PDZRN3: variants seen among roughly 807,000 people sequenced by gnomAD.
PDZRN3 encodes the protein E3 ubiquitin-protein ligase PDZRN3.
PDZRN3 carries 38 observed loss-of-function variants against 85.7 expected under a neutral mutation model. The ratio of observed to expected loss-of-function variants is 0.44; its 90% CI spans 0.34 to 0.58. The LOEUF (loss-of-function observed/expected upper bound fraction) is 0.58, where lower values mean the gene tolerates loss of function less well. Ranked by LOEUF, PDZRN3 falls within the 20% of genes least tolerant of loss-of-function variation. The pLI is 0.01. For synonymous variants in PDZRN3, 759 were observed against 638.0 expected (o/e 1.19, Z -2.86); for missense variants, 1,629 against 1,506.4 (o/e 1.08, Z -1.35).
At chr3:73,557,440 T>C (rs1488962351) in intron 3 of PDZRN3, among the ~76,000 whole-genome samples, 8 of 152,248 alleles carry the variant, frequency 5.3e-5, no homozygotes, top group Non-Finnish European at 1.0e-4. Flanking sequence ...TCTTATGATA[T>C]GAATTTTTCA....
chr3:73,533,151 T>A (rs1276556106), intron 3 of PDZRN3, among the ~76,000 whole-genome samples: 2 of 152,226 alleles, frequency 1.3e-5, no homozygotes, highest in African/African-American at 2.4e-5. Flanking sequence ...AAATGAAGCA[T>A]TTTACAAAAG....
intron 3 of PDZRN3, among the ~76,000 whole-genome samples, chr3:73,452,827 C>T (rs188274272): frequency 2.9e-4 from 22 of 75,594 alleles, no homozygotes; most frequent in Admixed American, 1.4e-3. Context: ...AATTCTCTAA[C>T]GGTCCATATA....
intron 3 of PDZRN3, among the ~76,000 whole-genome samples, chr3:73,584,725 T>C (rs1047671199): frequency 1.3e-5 from 2 of 152,188 alleles, no homozygotes; most frequent in East Asian, 3.8e-4. Flanking sequence ...TTGCATTCTA[T>C]AGTTAATATG....
At chr3:73,593,421 A>G (rs1201339150) in intron 3 of PDZRN3, among the ~76,000 whole-genome samples, 1 of 152,148 alleles carries the variant, frequency 6.6e-6, no homozygotes, top group Admixed American at 6.6e-5. Context: ...AGAACTCCCA[A>G]AAAAGTACAT....
chr3:73,589,058 T>C (rs890194769), intron 3 of PDZRN3, among the ~76,000 whole-genome samples: 13 of 152,058 alleles, frequency 8.5e-5, no homozygotes, highest in African/African-American at 2.9e-4. Flanking sequence ...GATTTTTTTT[T>C]TTTTTTTGAG....
At chr3:73,429,059 T>A (rs182356190) in intron 3 of PDZRN3, among the ~76,000 whole-genome samples, 123 of 152,236 alleles carry the variant, frequency 8.1e-4, no homozygotes, top group African/African-American at 2.9e-3. Context: ...CCATCATGCC[T>A]GGCTAAGTTA....
At chr3:73,385,030 A>ACATTT in intron 9 of PDZRN3, 100 bp from the exon 10 acceptor site, 1 of 1,401,342 alleles carries the variant, frequency 7.1e-7, no homozygotes, top group Non-Finnish European at 9.6e-7. Flanking sequence ...GGCAGGCTGT[A>ACATTT]CATTTCTAAG....
intron 3 of PDZRN3, among the ~76,000 whole-genome samples, chr3:73,595,711 G>C (rs1430276023): frequency 6.6e-6 from 1 of 152,066 alleles, no homozygotes; most frequent in African/African-American, 2.4e-5. Context: ...AAAAGCACGT[G>C]GATCAGTATT....
chr3:73,524,113 T>C (rs1352243196), intron 3 of PDZRN3, among the ~76,000 whole-genome samples: 1 of 152,184 alleles, frequency 6.6e-6, no homozygotes, highest in Non-Finnish European at 1.5e-5. Flanking sequence ...TTGGGAAACA[T>C]TTGGACTAAC....
At chr3:73,570,415 C>A (rs977927423) in intron 3 of PDZRN3, among the ~76,000 whole-genome samples, 4 of 152,196 alleles carry the variant, frequency 2.6e-5, no homozygotes, top group African/African-American at 9.6e-5. Context: ...GTAAAGGCTG[C>A]GTATGAATAC....
intron 3 of PDZRN3, among the ~76,000 whole-genome samples, chr3:73,547,281 T>C (rs1426018981): frequency 1.3e-5 from 2 of 152,256 alleles, no homozygotes; most frequent in East Asian, 3.8e-4. Flanking sequence ...GATAGTTGTT[T>C]TCTTTAAAGC....
rs1239535000 is a variant in PDZRN3, at chr3:73,602,429, G to C, written c.843C>G (p.Ile281Met). 1 of 1,607,870 alleles carries C rather than the reference G, an allele frequency of 6.2e-7. No homozygotes were observed. The highest frequency in any genetic ancestry group is 1.7e-5 in the Admixed American group (1 of 59,874). Residue 281 changes from isoleucine (I) to methionine (M), a missense_variant, in exon 3 of 10, where the codon ATC becomes ATG. Physicochemically the swap from Ile to Met is conservative, Grantham distance 10 (BLOSUM62 1). Transcript: ENST00000263666. ...CACTGTCAACTATCTTGGATACAAA[G>C]ATTCCTTCACTGGATGATCCATCGT... is the stretch of plus-strand genomic sequence containing the variant. ...DNHDGSSSEG[I>M]FVSKIVDSGP...
rs1559643635 is a variant in PDZRN3 at position 73,383,107 on chromosome 3, G to A, written c.*258C>T. 5.0e-6 allele frequency: 2 copies of A among 401,958 alleles called. No homozygotes were observed. Among genetic ancestry groups the A allele is most frequent in the Non-Finnish European group, 4.4e-6 (1 of 227,838 alleles). 24.9% of individuals were successfully genotyped at this position (401,958 alleles called of 1,614,324 possible). A position where few individuals can be genotyped will look rare whatever the true frequency, so the allele number is the denominator to read the frequency against. On this transcript the variant is annotated 3_prime_UTR_variant, in exon 10 of 10. Transcript: ENST00000263666. Reference sequence around the variant, plus strand: ...AAATTTAAACACTTTATGTAAAAGGGTACAGGTAGAAAAGTACAATTGCTA... The same window carrying A: ...AAATTTAAACACTTTATGTAAAAGGATACAGGTAGAAAAGTACAATTGCTA...
chr3:73,619,493 T>A (rs544125328), intron 1 of PDZRN3, among the ~76,000 whole-genome samples: 1 of 152,144 alleles, frequency 6.6e-6, no homozygotes, highest in African/African-American at 2.4e-5. Flanking sequence ...GAAAGAACCA[T>A]TGTCTAGTGA....
intron 3 of PDZRN3, among the ~76,000 whole-genome samples, chr3:73,479,601 G>T (rs1703523002): frequency 1.3e-5 from 2 of 152,174 alleles, no homozygotes; most frequent in Non-Finnish European, 2.9e-5. Flanking sequence ...CTTCAAAATG[G>T]TCTTTGTAAT....
chr3:73,569,379 C>T (rs1351580740), intron 3 of PDZRN3: 2 of 1,199,832 alleles, frequency 1.7e-6, no homozygotes, highest in African/African-American at 1.6e-5. Context: ...GGGAGGGGGC[C>T]ACATGTGTGC....
intron 3 of PDZRN3, among the ~76,000 whole-genome samples, chr3:73,480,818 C>G (rs151022141): frequency 1.4e-3 from 215 of 152,286 alleles, no homozygotes; most frequent in African/African-American, 4.8e-3. Context: ...CAACCTAGTA[C>G]GCATACTTTG....
intron 3 of PDZRN3, among the ~76,000 whole-genome samples, chr3:73,552,083 C>T (rs1192396011): frequency 6.6e-6 from 1 of 152,272 alleles, no homozygotes; most frequent in Non-Finnish European, 1.5e-5. Context: ...CACTACAAAG[C>T]GAAACACTCC....
At chr3:73,392,398 T>C (rs1000283458) in intron 5 of PDZRN3, among the ~76,000 whole-genome samples, 8 of 152,234 alleles carry the variant, frequency 5.3e-5, no homozygotes, top group African/African-American at 1.4e-4. Flanking sequence ...CTTGCTGATA[T>C]ATGGGGTATA....
Sources: gnomAD v4.1 joint callset for allele counts (sites outside exome capture counted in the v4.1 genomes callset) on GRCh38, gnomAD v4.1.1 for gene constraint, MANE v1.5 for transcripts, NCBI Gene and HGNC (gene_info 2026-07-23, HGNC 2026-07-21) for gene names.